The following TTC6 variants were observed in gnomAD, a reference collection of about 807,000 sequenced individuals.
The protein encoded by TTC6 is tetratricopeptide repeat domain 6, also known as tetratricopeptide repeat protein 6.
Under a neutral mutation model 210.4 loss-of-function variants are expected in TTC6, and 172 were observed. The ratio of observed to expected loss-of-function variants is 0.82; its 90% CI spans 0.72 to 0.93. TTC6 has a LOEUF of 0.93. Ranked by LOEUF, TTC6 falls within the 40% of genes least tolerant of loss-of-function variation. The pLI is 0.00. For synonymous variants in TTC6, 804 were observed against 819.6 expected, an observed-to-expected ratio of 0.98 and a Z score of 0.32; for missense variants, 2,414 against 2,318.1, an observed-to-expected ratio of 1.04 and a Z score of -0.85.
chr14:37,842,480 C>A, downstream of TTC6: 1 of 460,378 alleles, frequency 2.2e-6, no homozygotes, highest in Non-Finnish European at 3.4e-6. Flanking sequence ...TCATTTGCTG[C>A]ATATTTGGAA....
At chr14:37,663,466 A>G (rs959779768) in intron 1 of TTC6, among the ~76,000 whole-genome samples, 33 of 152,216 alleles carry the variant, frequency 2.2e-4, no homozygotes, top group African/African-American at 7.2e-4. Context: ...AATGTAATCA[A>G]TCATTGTATT....
chr14:37,625,484 G>A (rs1007762149), intron 1 of TTC6, among the ~76,000 whole-genome samples: 4 of 151,568 alleles, frequency 2.6e-5, no homozygotes, highest in Non-Finnish European at 5.9e-5. Context: ...GGAGGCGGAG[G>A]TTGCAGTGAG....
chr14:37,675,684 C>T (rs1003914035), intron 1 of TTC6, among the ~76,000 whole-genome samples: 1 of 151,752 alleles, frequency 6.6e-6, no homozygotes, highest in Non-Finnish European at 1.5e-5. Flanking sequence ...TTTACATTCC[C>T]GGTAGCAGCA....
In TTC6 at chr14:37,622,538, C is replaced by T. The variant is rs530400857; in HGVS notation, c.474C>T (p.Pro158=). Residue 158 remains proline (P), a synonymous_variant, in exon 1 of 31, where the codon CCC becomes CCT. Coordinates refer to ENST00000553443, the Ensembl canonical transcript of TTC6. The stretch of plus-strand genomic sequence containing the variant: ...TCCTGCTGCCTCCGCCCGAGCCACC[C>T]GTGAAGCGCAGAGCGCGCGGGGTCT... The T allele has an allele frequency of 2.0e-4, 314 of 1,535,086 alleles. No individual in the cohort carries two copies. The African/African-American group carries it at 3.6e-3, about 18-fold the overall frequency.
At chr14:37,621,282 T>C (rs181268820), upstream of TTC6, among the ~76,000 whole-genome samples, 358 of 152,278 alleles carry the variant, frequency 2.4e-3, 2 homozygotes, top group African/African-American at 8.0e-3. Flanking sequence ...TTTATGAAAA[T>C]CTTCCAATTT....
intron 25 of TTC6, 134 bp downstream of exon 27, chr14:37,812,567 A>C (rs559940547): frequency 1.2e-6 from 1 of 850,938 alleles, no homozygotes; most frequent in Non-Finnish European, 1.7e-6. Context: ...CTATTAAAAT[A>C]CTTGAAATGA....
chr14:37,694,320 G>A (rs1207039815), intron 3 of TTC6, among the ~76,000 whole-genome samples: 1 of 152,112 alleles, frequency 6.6e-6, no homozygotes, highest in African/African-American at 2.4e-5. Flanking sequence ...TTTCTCAAAA[G>A]AAGACATACA....
chr14:37,819,836 G>A (rs2096151388), intron 26 of TTC6, among the ~76,000 whole-genome samples: 1 of 152,170 alleles, frequency 6.6e-6, no homozygotes, highest in South Asian at 2.1e-4. Context: ...AATGCAGTGG[G>A]CCTTTGTGTC....
In TTC6 at chr14:37,696,852, TA is replaced by T. The variant is rs950194229; in HGVS notation, c.1376+18del. The T allele has an allele frequency of 9.3e-6, 11 of 1,186,892 alleles. No homozygotes were observed. In the Admixed American group the frequency reaches 3.3e-4, roughly 35 times the overall value. 73.5% of individuals were successfully genotyped at this position (1,186,892 alleles called of 1,614,324 possible). A position where few individuals can be genotyped will look rare whatever the true frequency, so the allele number is the denominator to read the frequency against. ...ACATAAAAAGTAATTTTCTTAAATT[TA>T]TAATTTTTCTATTGGGAGAGGAGTT... On this transcript the variant is annotated intron_variant, in intron 4 of 30. Transcript: ENST00000553443.
intron 14 of TTC6, among the ~76,000 whole-genome samples, chr14:37,766,711 C>CT (rs1420213225): frequency 6.6e-6 from 1 of 152,074 alleles, no homozygotes; most frequent in Non-Finnish European, 1.5e-5. Context: ...ATTTATATTT[C>CT]TTTGGGTATA....
intron 1 of TTC6, among the ~76,000 whole-genome samples, chr14:37,674,093 A>T (rs1365039671): frequency 6.6e-6 from 1 of 151,930 alleles, no homozygotes; most frequent in East Asian, 1.9e-4. Context: ...AAATTTTCTG[A>T]TTCAAGTCAA....
chr14:37,758,411 G>A (rs909106300), intron 14 of TTC6, among the ~76,000 whole-genome samples: 10 of 152,150 alleles, frequency 6.6e-5, no homozygotes, highest in African/African-American at 2.4e-4. Context: ...AGCTCTTCTT[G>A]TTGAAGTGAT....
At chr14:37,830,974 TAA>T (rs755875715) in intron 29 of TTC6, among the ~76,000 whole-genome samples, 4 of 152,140 alleles carry the variant, frequency 2.6e-5, no homozygotes, top group African/African-American at 7.2e-5. Context: ...AAATATACAA[TAA>T]GTTATAACTA....
intron 14 of TTC6, among the ~76,000 whole-genome samples, chr14:37,766,129 T>C (rs993385400): frequency 6.6e-6 from 1 of 152,178 alleles, no homozygotes; most frequent in Non-Finnish European, 1.5e-5. Flanking sequence ...TTTTCAACCA[T>C]CCATTTTAAA....
At chr14:37,782,374 A>G (rs1167355133) in intron 14 of TTC6, among the ~76,000 whole-genome samples, 1 of 152,022 alleles carries the variant, frequency 6.6e-6, no homozygotes, top group East Asian at 1.9e-4. Context: ...TAGGTATTTT[A>G]TTCTCTTTGA....
At chr14:37,814,019 C>G (rs2096135780) in intron 25 of TTC6, among the ~76,000 whole-genome samples, 1 of 152,200 alleles carries the variant, frequency 6.6e-6, no homozygotes, top group Non-Finnish European at 1.5e-5. Context: ...TGCCCCTCTA[C>G]ATGCTATTCT....
intron 1 of TTC6, among the ~76,000 whole-genome samples, chr14:37,659,070 G>T (rs2095731292): frequency 6.6e-6 from 1 of 151,986 alleles, no homozygotes; most frequent in African/African-American, 2.4e-5. Context: ...AAGGATAATG[G>T]CCTCCAGCTC....
At chr14:37,800,343 A>G (rs1800066932) in intron 20 of TTC6, among the ~76,000 whole-genome samples, 1 of 152,228 alleles carries the variant, frequency 6.6e-6, no homozygotes, top group South Asian at 2.1e-4. Context: ...TTTCCAAGCA[A>G]GGTGTTGACA....
At chr14:37,782,834 T>A (rs186668856) in intron 14 of TTC6, among the ~76,000 whole-genome samples, 10 of 152,332 alleles carry the variant, frequency 6.6e-5, no homozygotes, top group Admixed American at 2.6e-4. Flanking sequence ...GTTTTTAGCA[T>A]GAAGGGCTGT....
Sources: allele counts gnomAD v4.1 joint callset (sites outside exome capture counted in the v4.1 genomes callset), GRCh38; gene constraint gnomAD v4.1.1; transcripts MANE v1.5; gene names NCBI Gene and HGNC (gene_info 2026-07-23, HGNC 2026-07-21).